The following FOLH1 variants were observed in gnomAD, a reference collection of about 807,000 sequenced individuals.
The protein encoded by FOLH1 is glutamate carboxypeptidase 2.
In FOLH1, 54 loss-of-function variants were observed where a neutral mutation model predicts 93.9. That is an observed-to-expected ratio of 0.57 (90% CI 0.46 to 0.72). The LOEUF (loss-of-function observed/expected upper bound fraction) is 0.72. FOLH1 is among the 30% of genes least tolerant of loss of function. The pLI is 0.00. For synonymous variants in FOLH1, 249 were observed against 303.6 expected (o/e 0.82, Z 1.87); for missense variants, 571 against 892.5 (o/e 0.64, Z 4.59).
chr11:49,173,568 C>CA, intron 9 of FOLH1, 92 bp from the exon 10 acceptor site: 1 of 856,798 alleles, frequency 1.2e-6, no homozygotes, highest in East Asian at 5.7e-5. Context: ...ACAAAGCACT[C>CA]ACGCCTCAGA....
chr11:49,169,172 C>G, intron 12 of FOLH1, 23 bp downstream of exon 12: 1 of 1,610,938 alleles, frequency 6.2e-7, no homozygotes. Flanking sequence ...CACATCTTTT[C>G]TTATGAGACC....
chr11:49,194,023 G>C (rs1011376359), intron 3 of FOLH1, among the ~76,000 whole-genome samples: 1 of 150,480 alleles, frequency 6.6e-6, no homozygotes, highest in South Asian at 2.1e-4. Flanking sequence ...CCGGGCCTAC[G>C]TGCTTGTAAT....
rs900425614 is a variant in FOLH1 at position 49,169,044 on chromosome 11, T to G, written c.1372+151A>C. ...ACCTAGGGCTCACCCAACTCTCAAC[T>G]AGGGTTCATACACTGCTTCCTGTCA... On this transcript the variant is annotated intron_variant, in intron 12 of 18. Coordinates refer to ENST00000256999, the MANE Select transcript of FOLH1 (RefSeq NM_004476.3). 4.7e-5 allele frequency: 34 copies of G among 716,886 alleles called. No homozygotes were observed. In the African/African-American group the frequency reaches 5.5e-4, roughly 12 times the overall value. The allele number at this position is 716,886 out of a possible 1,614,324, so 44.4% of individuals were successfully genotyped here.
chr11:49,189,502 A>G (rs747737985), intron 4 of FOLH1, among the ~76,000 whole-genome samples: 15 of 152,214 alleles, frequency 9.9e-5, no homozygotes, highest in Non-Finnish European at 1.9e-4. Context: ...AGGAACTTAC[A>G]CTGCAGGTCC....
At chr11:49,202,565 G>A (rs888502072) in intron 2 of FOLH1, among the ~76,000 whole-genome samples, 2 of 152,134 alleles carry the variant, frequency 1.3e-5, no homozygotes, top group African/African-American at 4.8e-5. Context: ...ATTTTGTAGA[G>A]ACAGAGTCTC....
At chr11:49,154,191 T>C (rs769699407) in intron 16 of FOLH1, 37 bp downstream of exon 16, 8 of 1,608,108 alleles carry the variant, frequency 5.0e-6, no homozygotes, top group Admixed American at 3.4e-5. Flanking sequence ...AATAGAACCA[T>C]ACAGATGAGG....
intron 13 of FOLH1, chr11:49,162,873 C>G (rs375156371): frequency 1.3e-5 from 2 of 151,472 alleles, no homozygotes; most frequent in Non-Finnish European, 2.9e-5. Context: ...TCGCTAGTTG[C>G]CTCAGATTTT....
In FOLH1 at chr11:49,185,722, A is replaced by G. The variant is rs1338930304; in HGVS notation, c.773T>C (p.Ile258Thr). 1.2e-6 allele frequency: 2 copies of G among 1,613,726 alleles called. No homozygotes were observed. Among genetic ancestry groups the G allele is most frequent in the East Asian group, 2.2e-5 (1 of 44,880 alleles). Residue 258 changes from isoleucine to threonine, a missense_variant, in exon 6 of 19, where the codon ATC becomes ACC. Ile to Thr is a moderately conservative substitution (Grantham distance 89). Transcript: ENST00000256999. The stretch of plus-strand genomic sequence containing the variant: ...GTCTCCTGCACCATTCAGATTTAGG[A>G]TATTTCCACGCTGGACACCACCTCC... ...LPGGGVQRGN[I>T]LNLNGAGDPL...
intron 13 of FOLH1, among the ~76,000 whole-genome samples, chr11:49,158,450 T>C (rs1857269898): frequency 6.6e-6 from 1 of 152,124 alleles, no homozygotes; most frequent in South Asian, 2.1e-4. Flanking sequence ...CAATTTAATA[T>C]TGTTTCTTGC....
intron 17 of FOLH1, among the ~76,000 whole-genome samples, 161 bp downstream of exon 17, chr11:49,153,685 G>T (rs1236470663): frequency 6.6e-6 from 1 of 152,028 alleles, no homozygotes; most frequent in Non-Finnish European, 1.5e-5. Flanking sequence ...AAACCTGCAC[G>T]TTCTGTCCAT....
chr11:49,189,527 T>C (rs1861791094), intron 4 of FOLH1, among the ~76,000 whole-genome samples: 1 of 152,216 alleles, frequency 6.6e-6, no homozygotes, highest in Non-Finnish European at 1.5e-5. Context: ...TCACTCACAA[T>C]GGAATTAAGT....
intron 17 of FOLH1, among the ~76,000 whole-genome samples, chr11:49,153,467 G>A (rs1047186656): frequency 2.6e-5 from 4 of 151,684 alleles, no homozygotes; most frequent in Non-Finnish European, 5.9e-5. Flanking sequence ...GAAACAGCTG[G>A]GGTCACACAG....
At chr11:49,149,692 T>C (rs1391606157) in intron 17 of FOLH1, among the ~76,000 whole-genome samples, 3 of 152,148 alleles carry the variant, frequency 2.0e-5, no homozygotes, top group Non-Finnish European at 1.5e-5. Flanking sequence ...TTCTAATATA[T>C]CAAAGCTAAA....
intron 1 of FOLH1, among the ~76,000 whole-genome samples, chr11:49,207,389 C>T (rs1864097129): frequency 6.6e-6 from 1 of 152,216 alleles, no homozygotes; most frequent in Non-Finnish European, 1.5e-5. Context: ...CTTTTAACAA[C>T]CCCAAGGTGA....
In FOLH1 at chr11:49,153,330, G is replaced by C. The variant is rs1320066374; in HGVS notation, c.1970+516C>G. On this transcript the variant is annotated intron_variant, in intron 17 of 18. Coordinates refer to ENST00000256999, the MANE Select transcript of FOLH1 (RefSeq NM_004476.3). ...AACAGAATTTTGCCAGATGGAAGTG[G>C]AAATAAGGAGCTCTATGTGGAGGTA... Among the ~76,000 whole-genome samples, 5 of 151,430 alleles carry C rather than the reference G, an allele frequency of 3.3e-5. No individual in the cohort carries two copies. The East Asian group carries it at 7.7e-4, about 23-fold the overall frequency.
intron 1 of FOLH1, 96 bp from the exon 2 acceptor site, chr11:49,206,268 T>G (rs200062461): frequency 9.2e-5 from 142 of 1,547,638 alleles, no homozygotes; most frequent in Admixed American, 3.6e-4. Context: ...AAACACAAAT[T>G]ATCAATATTA....
At chr11:49,169,127 T>C (rs1858864808) in intron 12 of FOLH1, 68 bp downstream of exon 12, 4 of 1,559,120 alleles carry the variant, frequency 2.6e-6, no homozygotes, top group Non-Finnish European at 3.5e-6. Flanking sequence ...TGTTAGTGCA[T>C]AATTTATTAA....
Position 49,183,255 on chromosome 11 carries a change from A to T in FOLH1, c.827-13T>A, listed in dbSNP as rs1317315587. 3 of 1,597,568 alleles carry T rather than the reference A, an allele frequency of 1.9e-6. No individual in the cohort carries two copies. The highest frequency in any genetic ancestry group is 1.3e-5 in the African/African-American group (1 of 74,116). On this transcript the variant is annotated splice_polypyrimidine_tract_variant and intron_variant, in intron 6 of 18. Transcript: ENST00000256999. ...CTATAAGCATATTCTGAAAAAAAAA[A>T]TTGCCATATTTCCAGTAAAAACTCA...
At chr11:49,163,591 C>T (rs1171623370) in intron 13 of FOLH1, among the ~76,000 whole-genome samples, 4 of 151,310 alleles carry the variant, frequency 2.6e-5, no homozygotes, top group African/African-American at 9.7e-5. Context: ...GGGTCTTATC[C>T]TGTGAAGTGC....
Sources: gnomAD v4.1 joint callset for allele counts (sites outside exome capture counted in the v4.1 genomes callset) on GRCh38, gnomAD v4.1.1 for gene constraint, MANE v1.5 for transcripts, NCBI Gene and HGNC (gene_info 2026-07-23, HGNC 2026-07-21) for gene names.